The following PTPRM variants were observed in gnomAD, a reference collection of about 807,000 sequenced individuals.
PTPRM encodes the protein receptor-type tyrosine-protein phosphatase mu.
In PTPRM, 47 loss-of-function variants were observed where a neutral mutation model predicts 186.7. The observed-to-expected ratio is 0.25, with a 90% CI of 0.20 to 0.32. The LOEUF (loss-of-function observed/expected upper bound fraction) is 0.32. PTPRM is among the 10% of genes least tolerant of loss of function. The pLI, the probability that PTPRM is intolerant of heterozygous loss-of-function variation, is 1.00. For missense variants in PTPRM, 1,494 were observed against 1,865.0 expected (o/e 0.80, Z 3.66); for synonymous variants, 668 against 674.9 (o/e 0.99, Z 0.16).
At chr18:7,623,583 CTATTCCAT>C (rs1301186766) in intron 1 of PTPRM, among the ~76,000 whole-genome samples, 8 of 152,078 alleles carry the variant, frequency 5.3e-5, no homozygotes, top group Non-Finnish European at 1.2e-4. Flanking sequence ...GACTTTAATA[CTATTCCAT>C]AATTTATATA....
At chr18:8,116,371 G>A (rs16952894) in intron 13 of PTPRM, among the ~76,000 whole-genome samples, 12,055 of 152,260 alleles carry the variant, frequency 0.079, 585 homozygotes, top group Middle Eastern at 0.18. Flanking sequence ...ACTATGAAAA[G>A]GGAAACAGGT....
At chr18:7,644,372 C>T (rs2038512280) in intron 1 of PTPRM, among the ~76,000 whole-genome samples, 1 of 152,088 alleles carries the variant, frequency 6.6e-6, no homozygotes. Flanking sequence ...TTCTCTATTA[C>T]CTCTGTAGAA....
At chr18:8,337,250 C>T (rs1049597406) in intron 22 of PTPRM, among the ~76,000 whole-genome samples, 9 of 152,040 alleles carry the variant, frequency 5.9e-5, no homozygotes, top group Non-Finnish European at 1.3e-4. Flanking sequence ...AGACTGGTCT[C>T]AAACTCCTGG....
intron 13 of PTPRM, among the ~76,000 whole-genome samples, chr18:8,127,418 G>GTTTTTTT (rs10700223): frequency 2.5e-4 from 34 of 133,674 alleles, no homozygotes; most frequent in Non-Finnish European, 3.5e-4. Context: ...CAGCTGTATT[G>GTTTTTTT]TTTTTTTTTT....
Position 8,173,624 on chromosome 18 carries a change from CA to C in PTPRM, c.2300+29847del, listed in dbSNP as rs373966386. Reference sequence around the variant, plus strand: ...TAGGAGACAGAGTTATTATTCAAATCAATCTCTCCAAACATTTAGAGGCTGG... The same window carrying C: ...TAGGAGACAGAGTTATTATTCAAATCATCTCTCCAAACATTTAGAGGCTGG... On this transcript the variant is annotated intron_variant, in intron 14 of 32. Transcript: ENST00000580170. Among the ~76,000 whole-genome samples the C allele has an allele frequency of 4.3e-3, 655 of 152,294 alleles. 4 individuals are homozygous for C. The highest frequency in any genetic ancestry group is 0.015 in the African/African-American group (636 of 41,566).
intron 11 of PTPRM, among the ~76,000 whole-genome samples, chr18:8,092,960 C>A (rs1351667207): frequency 6.6e-6 from 1 of 152,012 alleles, no homozygotes; most frequent in African/African-American, 2.4e-5. Flanking sequence ...TCAGCCTGGA[C>A]AACATAGAGA....
At chr18:8,098,616 T>G (rs1409295796) in intron 11 of PTPRM, among the ~76,000 whole-genome samples, 1 of 152,168 alleles carries the variant, frequency 6.6e-6, no homozygotes, top group East Asian at 1.9e-4. Flanking sequence ...TCTTTTTTTT[T>G]TAATAAGAAG....
intron 2 of PTPRM, among the ~76,000 whole-genome samples, chr18:7,775,839 C>T (rs7232348): frequency 0.075 from 11,486 of 152,270 alleles, 880 homozygotes; most frequent in African/African-American, 0.2. Context: ...GTTTCTGGCA[C>T]AAGATAACTC....
chr18:8,199,455 G>C (rs533789359), intron 14 of PTPRM, among the ~76,000 whole-genome samples: 1 of 152,148 alleles, frequency 6.6e-6, no homozygotes, highest in Non-Finnish European at 1.5e-5. Flanking sequence ...GTGTCTGCCG[G>C]TCAGCAGAGC....
chr18:8,395,040 C>G (rs949337251), intron 32 of PTPRM, among the ~76,000 whole-genome samples: 2 of 152,078 alleles, frequency 1.3e-5, no homozygotes, highest in Non-Finnish European at 2.9e-5. Flanking sequence ...CAGAATATTG[C>G]ATTTAATTAT....
Position 7,781,218 on chromosome 18 carries a change from A to C in PTPRM, c.196+6947A>C, listed in dbSNP as rs574257459. The stretch of plus-strand genomic sequence containing the variant: ...CGCCAGGTAAGAAATAGAAGATATA[A>C]ATCTTCATCTAATTTTTGATTGGAT... On this transcript the variant is annotated intron_variant, in intron 2 of 32. Transcript: ENST00000580170. 1.1e-3 allele frequency among the ~76,000 whole-genome samples: 169 copies of C among 152,312 alleles called. 1 individual carries two copies. The highest frequency in any genetic ancestry group is 3.5e-3 in the African/African-American group (145 of 41,572).
intron 5 of PTPRM, among the ~76,000 whole-genome samples, chr18:7,932,180 A>G (rs1233146509): frequency 1.3e-5 from 2 of 152,220 alleles, no homozygotes; most frequent in East Asian, 1.9e-4. Flanking sequence ...TGTCTTTTCA[A>G]CAAAGGATGA....
chr18:8,117,492 T>C (rs1029919558), intron 13 of PTPRM, among the ~76,000 whole-genome samples: 2 of 152,210 alleles, frequency 1.3e-5, no homozygotes, highest in African/African-American at 2.4e-5. Flanking sequence ...CTTAAAAATA[T>C]ATTTCATACT....
chr18:7,895,914 G>A (rs1021703051), intron 3 of PTPRM, among the ~76,000 whole-genome samples: 1 of 152,188 alleles, frequency 6.6e-6, no homozygotes, highest in Admixed American at 6.5e-5. Context: ...GCAGAGTAAA[G>A]TGTTCTTGCC....
chr18:8,115,087 T>C (rs959447340), intron 13 of PTPRM, among the ~76,000 whole-genome samples: 1 of 152,180 alleles, frequency 6.6e-6, no homozygotes, highest in African/African-American at 2.4e-5. Context: ...AGTTACCTTT[T>C]TCAGATTTTT....
At chr18:8,112,846 G>T (rs992399725) in intron 11 of PTPRM, among the ~76,000 whole-genome samples, 9 of 152,110 alleles carry the variant, frequency 5.9e-5, no homozygotes, top group African/African-American at 1.7e-4. Context: ...GAGGGGCCTT[G>T]TTCATTAGTT....
intron 21 of PTPRM, among the ~76,000 whole-genome samples, chr18:8,317,333 GT>G (rs1237008980): frequency 6.6e-6 from 1 of 152,082 alleles, no homozygotes; most frequent in Non-Finnish European, 1.5e-5. Context: ...AAGATGGTGT[GT>G]GGAACAGATT....
At chr18:7,652,346 G>A (rs1355983027) in intron 1 of PTPRM, among the ~76,000 whole-genome samples, 2 of 152,054 alleles carry the variant, frequency 1.3e-5, no homozygotes, top group African/African-American at 2.4e-5. Context: ...TCAGTGTGGC[G>A]ATTCCTCAGG....
At chr18:7,884,652 G>C (rs557764311) in intron 2 of PTPRM, among the ~76,000 whole-genome samples, 1 of 152,258 alleles carries the variant, frequency 6.6e-6, no homozygotes, top group South Asian at 2.1e-4. Context: ...GCCAGGTGCG[G>C]TGGCTCTTGC....
Sources: allele counts gnomAD v4.1 joint callset (sites outside exome capture counted in the v4.1 genomes callset), GRCh38; gene constraint gnomAD v4.1.1; transcripts MANE v1.5; gene names NCBI Gene and HGNC (gene_info 2026-07-23, HGNC 2026-07-21).